KIAA0040: variants seen among roughly 807,000 people sequenced by gnomAD.
KIAA0040 encodes the protein uncharacterized protein KIAA0040.
KIAA0040 carries 10 observed loss-of-function variants against 7.2 expected under a neutral mutation model. The observed-to-expected ratio is 1.38, with a 90% CI of 0.85 to 2.34. The LOEUF is 2.34. Among genes scored for constraint, KIAA0040 ranks in the 30% most tolerant of loss-of-function variants. The probability of loss-of-function intolerance (pLI) is 0.00; values close to 1 mark genes in which losing one functional copy is unlikely to be tolerated. For missense variants in KIAA0040, 89 were observed against 108.2 expected, an observed-to-expected ratio of 0.82 and a Z score of 0.79; for synonymous variants, 49 against 40.1, an observed-to-expected ratio of 1.22 and a Z score of -0.84.
intron 3 of KIAA0040, among the ~76,000 whole-genome samples, chr1:175,162,176 T>C (rs1420248797): frequency 6.6e-6 from 1 of 152,166 alleles, no homozygotes; most frequent in Non-Finnish European, 1.5e-5. Context: ...TACAGGTTCT[T>C]GTGTACAAAC....
At chr1:175,162,974 T>C (rs555711746) in intron 3 of KIAA0040, among the ~76,000 whole-genome samples, 1 of 152,220 alleles carries the variant, frequency 6.6e-6, no homozygotes, top group Non-Finnish European at 1.5e-5. Flanking sequence ...CTCTATTAAC[T>C]CATTCATCTT....
At chr1:175,183,148 T>A (rs1412557099) in intron 1 of KIAA0040, among the ~76,000 whole-genome samples, 1 of 152,192 alleles carries the variant, frequency 6.6e-6, no homozygotes, top group East Asian at 1.9e-4. Context: ...TTTCTTTCCT[T>A]CTCTACCACC....
At chr1:175,170,164 G>A (rs187428135) in intron 2 of KIAA0040, among the ~76,000 whole-genome samples, 240 of 152,220 alleles carry the variant, frequency 1.6e-3, no homozygotes, top group Middle Eastern at 3.4e-3. Context: ...TAAGGGTGAG[G>A]GCTCTGAAGT....
chr1:175,180,632 G>A (rs1254420871), intron 1 of KIAA0040, among the ~76,000 whole-genome samples: 1 of 152,128 alleles, frequency 6.6e-6, no homozygotes, highest in Non-Finnish European at 1.5e-5. Context: ...CTCTTTTGGA[G>A]ACTGGCTACT....
chr1:175,173,011 C>A (rs527547133), intron 2 of KIAA0040, among the ~76,000 whole-genome samples: 1 of 152,296 alleles, frequency 6.6e-6, no homozygotes, highest in East Asian at 1.9e-4. Context: ...CAGCTTTTCA[C>A]TGAATTGGTG....
upstream of KIAA0040, chr1:175,192,817 G>GCCCCCCCCCCCCCCCCCCCCCCC (rs1558405268): frequency 8.1e-6 from 1 of 123,466 alleles, no homozygotes; most frequent in Admixed American, 7.8e-5. Flanking sequence ...CGTGGGAGCC[G>GCCCCCCCCCCCCCCCCCCCCCCC]CCCGCCCCGC....
At chr1:175,189,361 C>T (rs1476237089) in intron 1 of KIAA0040, among the ~76,000 whole-genome samples, 1 of 152,184 alleles carries the variant, frequency 6.6e-6, no homozygotes, top group Admixed American at 6.5e-5. Context: ...AGCATCCCCT[C>T]CATGTGGACT....
At chr1:175,173,747 T>C (rs986345483) in intron 2 of KIAA0040, among the ~76,000 whole-genome samples, 2 of 152,222 alleles carry the variant, frequency 1.3e-5, no homozygotes, top group South Asian at 4.1e-4. Context: ...AAGGAGCTCA[T>C]GTTTTAATAG....
intron 1 of KIAA0040, among the ~76,000 whole-genome samples, chr1:175,183,565 A>C (rs933948651): frequency 6.6e-6 from 1 of 152,190 alleles, no homozygotes; most frequent in Admixed American, 6.5e-5. Context: ...AGGCCTTGCA[A>C]TGGGCTGAGC....
rs550064135 is a variant in KIAA0040 at position 175,183,939 on chromosome 1, A to G, written c.-383-6255T>C. Among the ~76,000 whole-genome samples the G allele has an allele frequency of 1.1e-3, 166 of 152,260 alleles. 1 individual carries two copies. Among genetic ancestry groups the G allele is most frequent in the Middle Eastern group, 3.4e-3 (1 of 294 alleles). ...GTGTAGTGTCAGGTACACATAGAAG[A>G]GCTTGAGAACTGTGTATGGAAAAAA... On this transcript the variant is annotated intron_variant, in intron 1 of 3. Transcript: ENST00000423313.
intron 3 of KIAA0040, 146 bp from the exon 4 acceptor site, chr1:175,161,292 G>C: frequency 2.9e-6 from 1 of 341,214 alleles, no homozygotes; most frequent in East Asian, 5.9e-5. Flanking sequence ...CAATAAACAA[G>C]ATAAATGCAT....
Position 175,175,861 on chromosome 1 carries a change from C to T in KIAA0040, c.-310+1750G>A, listed in dbSNP as rs7542669. 4.5e-3 allele frequency among the ~76,000 whole-genome samples: 686 copies of T among 151,878 alleles called. 5 individuals carry two copies. The highest frequency in any genetic ancestry group is 0.016 in the African/African-American group (657 of 41,372). ...TGGACACAGGAAGGGGAACATCACACACTGGGGCCCATCGTGGGGTCAGGG... is the reference window on the plus strand; with the variant it reads ...TGGACACAGGAAGGGGAACATCACATACTGGGGCCCATCGTGGGGTCAGGG... On this transcript the variant is annotated intron_variant, in intron 2 of 3. Transcript: ENST00000423313.
intron 3 of KIAA0040, among the ~76,000 whole-genome samples, chr1:175,162,532 A>G (rs1181689901): frequency 6.6e-6 from 1 of 151,928 alleles, no homozygotes; most frequent in East Asian, 1.9e-4. Context: ...TTTTCTAATC[A>G]TTTTCATCTG....
chr1:175,187,864 T>A (rs1042532214), intron 1 of KIAA0040, among the ~76,000 whole-genome samples: 2 of 152,150 alleles, frequency 1.3e-5, no homozygotes, highest in Non-Finnish European at 2.9e-5. Flanking sequence ...TATTTTCCTC[T>A]CTTCTGCCAA....
Position 175,160,767 on chromosome 1 carries a change from A to G in KIAA0040, c.247T>C (p.Ser83Pro). Residue 83 changes from serine to proline, a missense_variant, in exon 4 of 4, where the codon TCT becomes CCT. Physicochemically the swap from Ser to Pro is moderately conservative, Grantham distance 74. Coordinates refer to ENST00000423313, the MANE Select transcript of KIAA0040 (RefSeq NM_014656.3). ...ATCTGGAGAAGCTTGGGTTGAGCAG[A>G]GATCCAGAGGTCTTCTTCATCCTTC... ...KKKDEEDLWISAQPKLLQMEK... is the reference protein window; with the variant it reads ...KKKDEEDLWIPAQPKLLQMEK... The G allele has an allele frequency of 6.5e-7, 1 of 1,549,370 alleles. No individual in the cohort carries two copies. The highest frequency in any genetic ancestry group is 2.4e-5 in the East Asian group (1 of 40,898).
chr1:175,167,472 G>T (rs981443098), intron 2 of KIAA0040, among the ~76,000 whole-genome samples: 4 of 152,196 alleles, frequency 2.6e-5, no homozygotes, highest in Non-Finnish European at 5.9e-5. Context: ...CAGCAGCAGT[G>T]GTGGGGTGAG....
At chr1:175,188,344 G>A (rs957157936) in intron 1 of KIAA0040, among the ~76,000 whole-genome samples, 17 of 152,206 alleles carry the variant, frequency 1.1e-4, no homozygotes, top group South Asian at 4.1e-4. Flanking sequence ...CTGATGTGGC[G>A]GAAAAGCTAG....
intron 2 of KIAA0040, among the ~76,000 whole-genome samples, chr1:175,175,370 G>T (rs1003676917): frequency 6.6e-6 from 1 of 151,184 alleles, no homozygotes; most frequent in African/African-American, 2.4e-5. Flanking sequence ...AAAAAGTCAG[G>T]AAACAACAGG....
At chr1:175,190,143 T>C (rs536018435) in intron 1 of KIAA0040, among the ~76,000 whole-genome samples, 2 of 152,240 alleles carry the variant, frequency 1.3e-5, no homozygotes, top group Non-Finnish European at 2.9e-5. Flanking sequence ...TAAGTATTAA[T>C]TTTTCACATG....
Sources: allele counts gnomAD v4.1 joint callset (sites outside exome capture counted in the v4.1 genomes callset), GRCh38; gene constraint gnomAD v4.1.1; transcripts MANE v1.5; gene names NCBI Gene and HGNC (gene_info 2026-07-23, HGNC 2026-07-21).